Variants in PHF21B observed in about 807,000 individuals in gnomAD.
The protein encoded by PHF21B is PHD finger protein 4.
PHF21B carries 22 observed loss-of-function variants against 62.2 expected under a neutral mutation model. The ratio of observed to expected loss-of-function variants is 0.35; its 90% CI spans 0.25 to 0.51. The LOEUF is 0.51. Among genes scored for constraint, PHF21B ranks in the 20% least tolerant of loss-of-function variants. The pLI, the probability that PHF21B is intolerant of heterozygous loss-of-function variation, is 0.97. For synonymous variants in PHF21B, 341 were observed against 314.7 expected (o/e 1.08, Z -0.88); for missense variants, 701 against 707.9 (o/e 0.99, Z 0.11).
At chr22:44,940,181 T>G (rs2071928711) in intron 2 of PHF21B, among the ~76,000 whole-genome samples, 1 of 152,140 alleles carries the variant, frequency 6.6e-6, no homozygotes, top group African/African-American at 2.4e-5. Flanking sequence ...ATCACCAGTT[T>G]TTCCGCACCT....
intron 2 of PHF21B, among the ~76,000 whole-genome samples, chr22:44,929,547 G>A (rs1014771026): frequency 6.6e-6 from 1 of 152,210 alleles, no homozygotes; most frequent in Non-Finnish European, 1.5e-5. Context: ...AGACCACCAT[G>A]GGGAGGCCAA....
chr22:44,921,410 A>C (rs1315527198), intron 2 of PHF21B, among the ~76,000 whole-genome samples: 2 of 149,022 alleles, frequency 1.3e-5, no homozygotes, highest in African/African-American at 5.0e-5. Context: ...CTCTGTCCCC[A>C]GGCTGGAGTG....
At position 45,009,875 on chromosome 22, in the gene PHF21B, AGCC is replaced by A; in HGVS notation, c.-329_-327del. On this transcript the variant is annotated 5_prime_UTR_variant, in exon 1 of 13. Coordinates refer to ENST00000313237, the MANE Select transcript of PHF21B (RefSeq NM_138415.5). This position sits in a 1 kb window ranked among gnomAD's most constrained non-coding sequence, Gnocchi z 5.9. ...CGCGCAGCCCCGCGCGCGCCCGCCC[AGCC>A]GCCGCCGCCGCCGCCTCCTCCCGCG... The A allele has an allele frequency of 1.3e-3, 186 of 144,848 alleles. 1 individual carries two copies. Among genetic ancestry groups the A allele is most frequent in the Non-Finnish European group, 1.6e-3 (103 of 65,046 alleles). 9.0% of individuals were successfully genotyped at this position (144,848 alleles called of 1,614,324 possible).
chr22:44,889,672 T>C, intron 9 of PHF21B, 88 bp downstream of exon 9: 3 of 1,476,048 alleles, frequency 2.0e-6, no homozygotes, highest in Non-Finnish European at 9.1e-7. Flanking sequence ...CCGGGCTCTT[T>C]CCCTCTTTCC....
intron 8 of PHF21B, among the ~76,000 whole-genome samples, 168 bp downstream of exon 8, chr22:44,891,138 C>T (rs1007067179): frequency 2.0e-5 from 3 of 152,286 alleles, no homozygotes; most frequent in Admixed American, 2.0e-4. Flanking sequence ...GCAGGAGGAG[C>T]GGGGAGGTGG....
chr22:44,885,581 G>C, intron 11 of PHF21B, 52 bp from the exon 12 acceptor site: 1 of 1,508,316 alleles, frequency 6.6e-7, no homozygotes, highest in South Asian at 1.2e-5. Flanking sequence ...GGAGCGGCTG[G>C]GTCGTAGAGT....
In PHF21B at chr22:45,009,061, G is replaced by T; in HGVS notation, c.54+435C>A. 2 of 1,115,096 alleles carry T rather than the reference G, an allele frequency of 1.8e-6. No homozygotes were observed. The highest frequency in any genetic ancestry group is 2.2e-6 in the Non-Finnish European group (2 of 908,386). 69.1% of individuals were successfully genotyped at this position (1,115,096 alleles called of 1,614,324 possible). On this transcript the variant is annotated intron_variant, in intron 1 of 12. Transcript: ENST00000313237. This position sits in a 1 kb window ranked among gnomAD's most constrained non-coding sequence, Gnocchi z 5.9. The stretch of plus-strand genomic sequence containing the variant: ...GCCGAGCCCCGCTCAGGCTCCGGCC[G>T]CCACGCCGCCGCTCGCCAGCAGCGA...
At chr22:44,962,683 C>T (rs2072447741) in intron 2 of PHF21B, among the ~76,000 whole-genome samples, 1 of 152,230 alleles carries the variant, frequency 6.6e-6, no homozygotes, top group Non-Finnish European at 1.5e-5. Flanking sequence ...CAAATACAAG[C>T]TGGGTCCCAT....
At chr22:44,938,589 G>C (rs532430468) in intron 2 of PHF21B, among the ~76,000 whole-genome samples, 38 of 152,240 alleles carry the variant, frequency 2.5e-4, no homozygotes, top group Non-Finnish European at 3.7e-4. Flanking sequence ...TAGAAAGGCA[G>C]GGCCAAGGGG....
Position 44,932,777 on chromosome 22 carries a change from G to A in PHF21B, c.121-12287C>T, listed in dbSNP as rs758997002. On this transcript the variant is annotated intron_variant, in intron 2 of 12. Coordinates refer to ENST00000313237, the MANE Select transcript of PHF21B (RefSeq NM_138415.5). ...GAGGCCTCCTGGAGCTAGCCTTGGT[G>A]TGGGCAGGGATGCAAGGGTGGGTGG... Among the ~76,000 whole-genome samples the A allele has an allele frequency of 1.5e-3, 223 of 152,264 alleles. 1 individual carries two copies. The highest frequency in any genetic ancestry group is 2.0e-3 in the Non-Finnish European group (133 of 68,044).
chr22:44,974,727 C>T (rs939657628), intron 2 of PHF21B, among the ~76,000 whole-genome samples: 6 of 152,200 alleles, frequency 3.9e-5, no homozygotes, highest in African/African-American at 1.2e-4. Flanking sequence ...GCAGGTATCC[C>T]GCCTCCCATG....
intron 3 of PHF21B, among the ~76,000 whole-genome samples, chr22:44,917,135 T>A (rs965758387): frequency 1.3e-5 from 2 of 152,166 alleles, no homozygotes; most frequent in African/African-American, 4.8e-5. Flanking sequence ...TGAGCCCGCG[T>A]GACTGCGGCG....
intron 2 of PHF21B, among the ~76,000 whole-genome samples, chr22:44,990,447 G>A (rs2147503226): frequency 6.6e-6 from 1 of 152,308 alleles, no homozygotes; most frequent in East Asian, 1.9e-4. Context: ...AAACAGCACG[G>A]AGTACGTGCA....
chr22:44,954,098 G>A (rs2072247190), intron 2 of PHF21B, among the ~76,000 whole-genome samples: 1 of 152,214 alleles, frequency 6.6e-6, no homozygotes, highest in Non-Finnish European at 1.5e-5. Context: ...GGTTTACGGG[G>A]AAGGAAAGCT....
intron 2 of PHF21B, among the ~76,000 whole-genome samples, chr22:44,983,754 C>T (rs756053318): frequency 2.3e-4 from 35 of 152,150 alleles, no homozygotes; most frequent in Non-Finnish European, 3.4e-4. Context: ...TTACAAACTG[C>T]TACAGTTTTT....
intron 2 of PHF21B, among the ~76,000 whole-genome samples, chr22:44,973,625 C>G (rs1426328033): frequency 1.3e-5 from 2 of 151,968 alleles, no homozygotes; most frequent in African/African-American, 2.4e-5. Flanking sequence ...GAAACCCCAC[C>G]AGGGTCTCCA....
rs1270452555 is a variant in PHF21B, at chr22:44,953,148, TC to T, written c.121-32659del. ...TGAACACTGAGCCAGAAGGAGAAGG[TC>T]CCCACAGGACTCTTCTCTCGGACAC... On this transcript the variant is annotated intron_variant, in intron 2 of 12. Transcript: ENST00000313237. 3.9e-5 allele frequency among the ~76,000 whole-genome samples: 6 copies of T among 152,156 alleles called. No homozygotes were observed. In the East Asian group the frequency reaches 1.2e-3, roughly 29 times the overall value.
chr22:44,918,305 T>A (rs2071475705), intron 3 of PHF21B, among the ~76,000 whole-genome samples: 1 of 152,208 alleles, frequency 6.6e-6, no homozygotes, highest in Non-Finnish European at 1.5e-5. Flanking sequence ...TTTGCCCACA[T>A]GTTCTTGTTG....
At chr22:44,942,522 G>C (rs1399942792) in intron 2 of PHF21B, among the ~76,000 whole-genome samples, 2 of 152,204 alleles carry the variant, frequency 1.3e-5, no homozygotes, top group African/African-American at 4.8e-5. Context: ...TGCCAATGCT[G>C]GGAGGTGGAG....
Sources: gnomAD v4.1 joint callset for allele counts (sites outside exome capture counted in the v4.1 genomes callset) on GRCh38, gnomAD v4.1.1 for gene constraint, Gnocchi (gnomAD v3.1) non-coding constraint, MANE v1.5 for transcripts, NCBI Gene and HGNC (gene_info 2026-07-23, HGNC 2026-07-21) for gene names.